Variants in RYR3 observed in about 807,000 individuals in gnomAD.
RYR3 encodes the protein ryanodine receptor 3, also known as brain ryanodine receptor-calcium release channel.
A neutral mutation model predicts 584.3 loss-of-function variants in RYR3; 207 were observed. The ratio of observed to expected loss-of-function variants is 0.35; its 90% CI spans 0.32 to 0.40. RYR3 has a LOEUF of 0.40. Ranked by LOEUF, RYR3 falls within the 10% of genes least tolerant of loss-of-function variation. The pLI is 1.00. For missense variants in RYR3, 5,616 were observed against 6,089.2 expected, an observed-to-expected ratio of 0.92 and a Z score of 2.59; for synonymous variants, 2,416 against 2,248.5, an observed-to-expected ratio of 1.07 and a Z score of -2.11.
chr15:33,420,857 C>T (rs2044191910), intron 1 of RYR3, among the ~76,000 whole-genome samples: 1 of 152,058 alleles, frequency 6.6e-6, no homozygotes, highest in Non-Finnish European at 1.5e-5. Context: ...AATGAAATCC[C>T]ACCATGTCCA....
intron 57 of RYR3, among the ~76,000 whole-genome samples, 195 bp downstream of exon 57, chr15:33,750,481 G>A (rs2071172591): frequency 6.6e-6 from 1 of 152,180 alleles, no homozygotes; most frequent in South Asian, 2.1e-4. Flanking sequence ...AAAGATCAGT[G>A]ACAACAAAGA....
At chr15:33,820,706 C>T in intron 77 of RYR3, 50 bp from the exon 78 acceptor site, 1 of 1,500,642 alleles carries the variant, frequency 6.7e-7, no homozygotes, top group Non-Finnish European at 9.2e-7. Flanking sequence ...ATTAGATTTC[C>T]CTTTAATTTG....
At chr15:33,398,464 T>G (rs901001921) in intron 1 of RYR3, among the ~76,000 whole-genome samples, 1 of 152,154 alleles carries the variant, frequency 6.6e-6, no homozygotes, top group African/African-American at 2.4e-5. Context: ...CTGAGACAGA[T>G]GGGTTAAATG....
intron 1 of RYR3, among the ~76,000 whole-genome samples, chr15:33,459,023 C>A (rs959420329): frequency 2.6e-5 from 4 of 152,202 alleles, no homozygotes; most frequent in Non-Finnish European, 5.9e-5. Flanking sequence ...CACTTCTGAC[C>A]TGAGTCAATG....
intron 1 of RYR3, among the ~76,000 whole-genome samples, chr15:33,407,809 A>T (rs2043125346): frequency 1.3e-5 from 2 of 152,164 alleles, no homozygotes; most frequent in South Asian, 4.2e-4. Context: ...CCCGGCATGG[A>T]CAGTGGATTC....
chr15:33,865,035 A>C (rs1191939425), intron 103 of RYR3, 96 bp from the exon 104 acceptor site: 1 of 822,896 alleles, frequency 1.2e-6, no homozygotes, highest in Non-Finnish European at 2.0e-6. Context: ...AATTCACATC[A>C]GTCTTCCTAA....
At chr15:33,773,469 C>G (rs952048391) in intron 63 of RYR3, 65 bp from the exon 64 acceptor site, 1 of 1,149,218 alleles carries the variant, frequency 8.7e-7, no homozygotes, top group African/African-American at 1.6e-5. Context: ...TTTTTTTTTC[C>G]TCTTCATGGA....
At chr15:33,619,019 A>C (rs1257685938) in intron 19 of RYR3, among the ~76,000 whole-genome samples, 1 of 152,208 alleles carries the variant, frequency 6.6e-6, no homozygotes, top group East Asian at 1.9e-4. Context: ...TCAAGTAAAT[A>C]AAAATTTCCT....
chr15:33,810,837 A>G, intron 71 of RYR3, 141 bp from the exon 72 acceptor site: 1 of 1,068,242 alleles, frequency 9.4e-7, no homozygotes, highest in Non-Finnish European at 1.4e-6. Context: ...CCTTTGGGAC[A>G]AATCTCCGGA....
At chr15:33,387,598 T>G (rs2034316279) in intron 1 of RYR3, among the ~76,000 whole-genome samples, 2 of 151,850 alleles carry the variant, frequency 1.3e-5, no homozygotes, top group Admixed American at 1.3e-4. Context: ...TCACCAGATA[T>G]TTGAAGAAAA....
chr15:33,418,311 G>A (rs972700280), intron 1 of RYR3, among the ~76,000 whole-genome samples: 2 of 151,072 alleles, frequency 1.3e-5, no homozygotes, highest in Admixed American at 1.3e-4. Context: ...CTGGTCCAGG[G>A]CTTTTTCTCG....
intron 12 of RYR3, among the ~76,000 whole-genome samples, chr15:33,568,690 C>T (rs895044891): frequency 2.0e-5 from 3 of 152,132 alleles, no homozygotes; most frequent in Non-Finnish European, 4.4e-5. Context: ...CTCAGCCTCC[C>T]AAAATGTTGG....
At chr15:33,817,902 T>G (rs898579393) in intron 75 of RYR3, among the ~76,000 whole-genome samples, 4 of 152,244 alleles carry the variant, frequency 2.6e-5, no homozygotes, top group Non-Finnish European at 4.4e-5. Context: ...GCTCTGCCAC[T>G]GCTAGAAAAT....
At chr15:33,530,712 AACTG>A (rs1320300396) in intron 4 of RYR3, 46 bp downstream of exon 4, 1 of 1,404,110 alleles carries the variant, frequency 7.1e-7, no homozygotes, top group Non-Finnish European at 1.0e-6. Flanking sequence ...GAGAAGGAAA[AACTG>A]AAGAGGGGGA....
intron 46 of RYR3, 53 bp from the exon 47 acceptor site, chr15:33,728,804 T>C: frequency 6.5e-7 from 1 of 1,538,014 alleles, no homozygotes; most frequent in East Asian, 2.3e-5. Context: ...GTGTTATCTT[T>C]TGAGACTTTG....
At position 33,644,381 on chromosome 15, in the gene RYR3, C is replaced by G. The variant is rs372693148; in HGVS notation, c.3627C>G (p.Thr1209=). The G allele has an allele frequency of 3.1e-6, 5 of 1,613,476 alleles. No individual in the cohort carries two copies. Residue 1209 remains threonine, a synonymous_variant, in exon 28 of 104, where the codon ACC becomes ACG. Coordinates refer to ENST00000634891, the MANE Select transcript of RYR3 (RefSeq NM_001036.6). ...GRMNLGTDAS[T]FKFYTMCGLQ... ...TGAATCTCGGGACAGATGCCAGTACCTTCAAGTTTTATACCATGTGCGGTC... is the reference window on the plus strand; with the variant it reads ...TGAATCTCGGGACAGATGCCAGTACGTTCAAGTTTTATACCATGTGCGGTC...
chr15:33,813,087 C>G (rs905074888), intron 73 of RYR3, 93 bp downstream of exon 73: 1 of 1,485,160 alleles, frequency 6.7e-7, no homozygotes, highest in Non-Finnish European at 9.2e-7. Flanking sequence ...TACAAGTGCC[C>G]TCATAAGACT....
intron 14 of RYR3, among the ~76,000 whole-genome samples, chr15:33,583,745 A>AC (rs1472770569): frequency 1.3e-5 from 2 of 152,060 alleles, no homozygotes; most frequent in African/African-American, 2.4e-5. Flanking sequence ...ACATAGTGAG[A>AC]CCCCATCTCA....
chr15:33,475,445 C>T (rs746664116), intron 2 of RYR3, among the ~76,000 whole-genome samples: 11 of 152,138 alleles, frequency 7.2e-5, no homozygotes, highest in Non-Finnish European at 1.0e-4. Context: ...TCATAAGGAG[C>T]GTGCAACCTA....
Sources: gnomAD v4.1 joint callset for allele counts (sites outside exome capture counted in the v4.1 genomes callset) on GRCh38, gnomAD v4.1.1 for gene constraint, MANE v1.5 for transcripts, NCBI Gene and HGNC (gene_info 2026-07-23, HGNC 2026-07-21) for gene names.